The following LRRC61 variants were observed in gnomAD, a reference collection of about 807,000 sequenced individuals.
LRRC61 encodes leucine rich repeat containing 61.
LRRC61 carries 9 observed loss-of-function variants against 15.1 expected under a neutral mutation model. The observed-to-expected ratio is 0.60, with a 90% CI of 0.36 to 1.04. LRRC61 has a LOEUF of 1.04. Ranked by LOEUF, LRRC61 falls within the 50% of genes least tolerant of loss-of-function variation. LRRC61 has a pLI of 0.01. For synonymous variants in LRRC61, 173 were observed against 158.6 expected (o/e 1.09, Z -0.68); for missense variants, 344 against 335.6 (o/e 1.03, Z -0.20).
rs1798343415 is a variant in LRRC61 at position 150,337,490 on chromosome 7, G to A, written c.629G>A (p.Ser210Asn). ...VEPGYWESWP[S>N]RSSSILEEAC... is the part of the protein sequence containing the mutation. Reference sequence around the variant, plus strand: ...CCAGGCTACTGGGAGTCCTGGCCCAGCCGGAGCAGCTCCATCCTGGAGGAG... The same window carrying A: ...CCAGGCTACTGGGAGTCCTGGCCCAACCGGAGCAGCTCCATCCTGGAGGAG... The change falls in exon 3 of 3, where the codon AGC becomes AAC. Residue 210 changes from serine (S) to asparagine (N), a missense_variant. Physicochemically the swap from Ser to Asn is conservative, Grantham distance 46. Coordinates refer to ENST00000359623, the MANE Select transcript of LRRC61 (RefSeq NM_001142928.2). 1.2e-6 allele frequency: 2 copies of A among 1,602,536 alleles called. No individual in the cohort carries two copies. The highest frequency in any genetic ancestry group is 8.5e-7 in the Non-Finnish European group (1 of 1,179,286).
intron 1 of LRRC61, chr7:150,324,351 C>T (rs1254475424): frequency 6.6e-6 from 1 of 152,398 alleles, no homozygotes. Context: ...TTCTACTTCT[C>T]TTGCAGGCAC....
intron 2 of LRRC61, 112 bp downstream of exon 2, chr7:150,326,122 A>AC (rs551549769): frequency 6.6e-6 from 1 of 151,828 alleles, no homozygotes; most frequent in African/African-American, 2.4e-5. Context: ...ATAGCACCAT[A>AC]CCCCACTTTC....
rs754866897 is a variant in LRRC61 at position 150,330,639 on chromosome 7, C to G, written c.-145+4629C>G. On this transcript the variant is annotated intron_variant, in intron 2 of 2. Transcript: ENST00000359623. This position sits in a 1 kb window ranked among gnomAD's most constrained non-coding sequence, Gnocchi z 4.6. ...GTTTGTGCTGGCCACCTTGCTGGAC[C>G]CTTGCTTCAAGGGGAAGATTGAGGC... 1.8e-5 allele frequency: 17 copies of G among 962,286 alleles called. No homozygotes were observed. Among genetic ancestry groups the G allele is most frequent in the Admixed American group, 1.7e-5 (1 of 59,224 alleles). 59.6% of individuals were successfully genotyped at this position (962,286 alleles called of 1,614,324 possible). A position where few individuals can be genotyped will look rare whatever the true frequency, so the allele number is the denominator to read the frequency against.
At chr7:150,314,984 T>C in the LRRC61 span, among the ~76,000 whole-genome samples, 1 of 147,464 alleles carries the variant, frequency 6.8e-6, no homozygotes, top group African/African-American at 2.5e-5. Flanking sequence ...AGTATTATTT[T>C]TAATAATATT....
chr7:150,337,383 G>C lies in LRRC61; in HGVS notation c.522G>C (p.Gln174His). ...RVIGRGSEFY[Q>H]LCRDLDSSLR... ...TTGGGCGTGGTAGTGAGTTCTACCA[G>C]CTGTGCCGAGACCTGGACAGCTCCT... The change falls in exon 3 of 3, where the codon CAG (glutamine) becomes CAC (histidine). Residue 174 changes from glutamine (Q) to histidine (H), a missense_variant. Transcript: ENST00000359623. The C allele has an allele frequency of 1.9e-6, 3 of 1,605,614 alleles. No individual in the cohort carries two copies. The highest frequency in any genetic ancestry group is 2.5e-6 in the Non-Finnish European group (3 of 1,179,934).
chr7:150,333,844 T>C lies in LRRC61; in HGVS notation c.-144-2874T>C. 1.0e-6 allele frequency: 1 copy of C among 966,658 alleles called. No individual in the cohort carries two copies. The highest frequency in any genetic ancestry group is 1.2e-6 in the Non-Finnish European group (1 of 813,108). The allele number at this position is 966,658 out of a possible 1,614,324, so 59.9% of individuals were successfully genotyped here. A position where few individuals can be genotyped will look rare whatever the true frequency, so the allele number is the denominator to read the frequency against. ...TGCACAGGTGGGCGCCGGCTGGTTC[T>C]CAGTCCTACTGGGCTACCTGTTTGC... On this transcript the variant is annotated intron_variant, in intron 2 of 2. Transcript: ENST00000359623. This position sits in a 1 kb window ranked among gnomAD's most constrained non-coding sequence, Gnocchi z 4.3.
At position 150,337,356 on chromosome 7, in the gene LRRC61, G is replaced by A; in HGVS notation, c.495G>A (p.Val165=). Residue 165 remains valine, a synonymous_variant, in exon 3 of 3, where the codon GTG becomes GTA. Transcript: ENST00000359623. ...PGLKVIDGER[V]IGRGSEFYQL... ...TGAAAGTCATCGACGGTGAGCGTGT[G>A]ATTGGGCGTGGTAGTGAGTTCTACC... The A allele has an allele frequency of 6.2e-7, 1 of 1,604,936 alleles. No individual in the cohort carries two copies. The highest frequency in any genetic ancestry group is 8.5e-7 in the Non-Finnish European group (1 of 1,179,936).
At chr7:150,324,491 C>G (rs1283931276) in intron 1 of LRRC61, 3 of 152,294 alleles carry the variant, frequency 2.0e-5, no homozygotes, top group African/African-American at 7.2e-5. Flanking sequence ...CCAGGCTAAG[C>G]CAGATCACTC....
At chr7:150,324,140 C>CA (rs1721709624) in intron 1 of LRRC61, among the ~76,000 whole-genome samples, 1 of 152,204 alleles carries the variant, frequency 6.6e-6, no homozygotes, top group Non-Finnish European at 1.5e-5. Context: ...CCCTTTCTCT[C>CA]ACCACCTTTC....
upstream of LRRC61, chr7:150,323,248 C>A (rs894296944): frequency 4.2e-6 from 1 of 237,208 alleles, no homozygotes; most frequent in South Asian, 4.1e-5. Flanking sequence ...GCGGGGGGTG[C>A]GCGCGAAGAC....
intron 1 of LRRC61, among the ~76,000 whole-genome samples, chr7:150,325,401 CT>C (rs1171149355): frequency 3.3e-5 from 5 of 152,238 alleles, no homozygotes; most frequent in Admixed American, 3.3e-4. Flanking sequence ...CTTAGAAGCC[CT>C]TGGAATCTTG....
chr7:150,315,499 A>T, the LRRC61 span, among the ~76,000 whole-genome samples: 4 of 152,232 alleles, frequency 2.6e-5, no homozygotes, highest in South Asian at 2.1e-4. Flanking sequence ...AGGATGGAAG[A>T]AGTAAAAAAT....
upstream of LRRC61, among the ~76,000 whole-genome samples, chr7:150,319,798 T>C (rs1310461406): frequency 6.6e-6 from 1 of 152,202 alleles, no homozygotes; most frequent in Non-Finnish European, 1.5e-5. Flanking sequence ...TCCCACTTTC[T>C]GTCACCCCTG....
chr7:150,334,055 T>C (rs2129618380), intron 2 of LRRC61: 1 of 985,412 alleles, frequency 1.0e-6, no homozygotes, highest in South Asian at 4.7e-5. Context: ...GTGGGGTCTT[T>C]CTGCTCCGTT....
At chr7:150,328,865 C>T (rs1798023274) in intron 2 of LRRC61, 2 of 152,242 alleles carry the variant, frequency 1.3e-5, no homozygotes, top group South Asian at 4.1e-4. Flanking sequence ...CACGCATACC[C>T]TCTGTTGTGG....
upstream of LRRC61, among the ~76,000 whole-genome samples, chr7:150,319,922 A>C (rs1797329070): frequency 6.6e-6 from 1 of 152,250 alleles, no homozygotes; most frequent in Non-Finnish European, 1.5e-5. Flanking sequence ...AACCCTCCTG[A>C]AACTTGGCTT....
intron 2 of LRRC61, among the ~76,000 whole-genome samples, chr7:150,334,251 C>T (rs958879014): frequency 1.3e-5 from 2 of 152,194 alleles, no homozygotes; most frequent in African/African-American, 2.4e-5. Context: ...CAGGACTGCT[C>T]ATCCAGTGGC....
chr7:150,312,332 C>T, the LRRC61 span, among the ~76,000 whole-genome samples: 165 of 152,212 alleles, frequency 1.1e-3, no homozygotes, highest in Non-Finnish European at 2.0e-3. Flanking sequence ...ATCTCTCCTG[C>T]GTAGGCTCTG....
chr7:150,316,064 G>A, the LRRC61 span, among the ~76,000 whole-genome samples: 1 of 152,182 alleles, frequency 6.6e-6, no homozygotes, highest in African/African-American at 2.4e-5. Context: ...GGGCATCGTG[G>A]CACATGCCTG....
Sources: allele counts gnomAD v4.1 joint callset (sites outside exome capture counted in the v4.1 genomes callset), GRCh38; gene constraint gnomAD v4.1.1; non-coding constraint Gnocchi (gnomAD v3.1); transcripts MANE v1.5; gene names NCBI Gene and HGNC (gene_info 2026-07-23, HGNC 2026-07-21).